MON2: variants seen among roughly 807,000 people sequenced by gnomAD.
MON2 encodes the protein MON2 regulator of endosome-to-Golgi trafficking.
MON2 carries 84 observed loss-of-function variants against 208.6 expected under a neutral mutation model. The ratio of observed to expected loss-of-function variants is 0.40; its 90% confidence interval spans 0.34 to 0.48. The LOEUF is 0.48. Among genes scored for constraint, MON2 ranks in the 20% least tolerant of loss-of-function variants. The pLI, the probability that MON2 is intolerant of heterozygous loss-of-function variation, is 0.59. For missense variants in MON2, 1,611 were observed against 2,015.4 expected, an observed-to-expected ratio of 0.80 and a Z score of 3.84; for synonymous variants, 660 against 694.0, an observed-to-expected ratio of 0.95 and a Z score of 0.77.
intron 27 of MON2, among the ~76,000 whole-genome samples, chr12:62,565,651 G>A (rs1032284444): frequency 1.3e-5 from 2 of 152,028 alleles, no homozygotes; most frequent in Non-Finnish European, 2.9e-5. Flanking sequence ...CATCTTTCTT[G>A]AAAAATATAA....
chr12:62,470,025 C>T (rs527910578), intron 1 of MON2, among the ~76,000 whole-genome samples: 9 of 151,912 alleles, frequency 5.9e-5, no homozygotes, highest in South Asian at 4.2e-4. Context: ...CCACCTCAAC[C>T]CCCTGAGTAG....
intron 2 of MON2, chr12:62,489,895 A>G: frequency 3.1e-6 from 1 of 321,054 alleles, no homozygotes; most frequent in Non-Finnish European, 5.4e-6. Context: ...GAGTATCAAA[A>G]TAATGTCTAA....
At chr12:62,576,043 T>G (rs2074765538) in intron 30 of MON2, among the ~76,000 whole-genome samples, 1 of 152,178 alleles carries the variant, frequency 6.6e-6, no homozygotes, top group South Asian at 2.1e-4. Context: ...TTGAATGTAA[T>G]ATATTCAATA....
chr12:62,534,959 G>T, intron 13 of MON2, 33 bp downstream of exon 13: 2 of 1,363,756 alleles, frequency 1.5e-6, no homozygotes, highest in Non-Finnish European at 9.8e-7. Flanking sequence ...ATATTGAACT[G>T]TGTCAGTTAA....
intron 30 of MON2, among the ~76,000 whole-genome samples, chr12:62,577,469 A>C (rs540213121): frequency 6.6e-6 from 1 of 152,270 alleles, no homozygotes; most frequent in Non-Finnish European, 1.5e-5. Flanking sequence ...TCCTATATAC[A>C]AAATTGTACA....
intron 21 of MON2, among the ~76,000 whole-genome samples, 178 bp downstream of exon 21, chr12:62,545,186 T>G (rs370849614): frequency 2.0e-5 from 3 of 152,252 alleles, no homozygotes; most frequent in East Asian, 3.9e-4. Context: ...AGGGCTGTTT[T>G]CATAAAAAAT....
intron 23 of MON2, among the ~76,000 whole-genome samples, chr12:62,551,227 A>C (rs1465809255): frequency 6.6e-6 from 1 of 152,072 alleles, no homozygotes; most frequent in African/African-American, 2.4e-5. Flanking sequence ...ACTAAGCTTA[A>C]TTATTTCTAG....
intron 8 of MON2, among the ~76,000 whole-genome samples, chr12:62,512,451 G>A (rs558033340): frequency 2.2e-4 from 34 of 152,148 alleles, no homozygotes; most frequent in Non-Finnish European, 2.2e-4. Context: ...TCAGCAGGGC[G>A]GTCAAATCTT....
intron 1 of MON2, among the ~76,000 whole-genome samples, chr12:62,474,185 C>T (rs1565950309): frequency 6.6e-6 from 1 of 150,456 alleles, no homozygotes; most frequent in Non-Finnish European, 1.5e-5. Flanking sequence ...ATGGTGCGAT[C>T]TCAGCTCACT....
chr12:62,532,447 G>A lies in MON2; in HGVS notation c.1410G>A (p.Met470Ile). ...QGSAKATYLE[M>I]LDKVEPPTIP... ...TTTTTCATAATTTCAGCTTAGAAAT[G>A]TTGGACAAAGTTGAGCCTCCAACTA... The change falls in exon 12 of 35, where the codon ATG becomes ATA. Residue 470 changes from methionine to isoleucine, a missense_variant. Coordinates refer to ENST00000393630, the MANE Select transcript of MON2 (RefSeq NM_015026.3). The A allele has an allele frequency of 2.5e-6, 4 of 1,612,744 alleles. No homozygotes were observed. Among genetic ancestry groups the A allele is most frequent in the South Asian group, 1.1e-5 (1 of 91,050 alleles).
chr12:62,504,488 C>A (rs2071006559), intron 7 of MON2, among the ~76,000 whole-genome samples: 1 of 152,054 alleles, frequency 6.6e-6, no homozygotes, highest in African/African-American at 2.4e-5. Flanking sequence ...ACCTCGTGAT[C>A]TGCCCACCTC....
At chr12:62,495,638 C>T (rs1331654831) in intron 4 of MON2, among the ~76,000 whole-genome samples, 2 of 143,826 alleles carry the variant, frequency 1.4e-5, no homozygotes, top group Non-Finnish European at 3.0e-5. Flanking sequence ...TGCAGTGAGC[C>T]GAGATCGTAT....
intron 30 of MON2, 72 bp downstream of exon 30, chr12:62,571,654 G>GTCTT: frequency 1.6e-6 from 2 of 1,241,194 alleles, no homozygotes; most frequent in Non-Finnish European, 2.2e-6. Context: ...AAAAACAGTT[G>GTCTT]TCTTTATTCA....
chr12:62,542,149 C>T (rs1422148931), intron 19 of MON2, among the ~76,000 whole-genome samples: 1 of 152,134 alleles, frequency 6.6e-6, no homozygotes. Flanking sequence ...TTTTAGGGTG[C>T]TTTCCACATT....
At chr12:62,592,046 T>C (rs1431650733) in intron 34 of MON2, among the ~76,000 whole-genome samples, 1 of 152,162 alleles carries the variant, frequency 6.6e-6, no homozygotes, top group Non-Finnish European at 1.5e-5. Context: ...TCCTCCCCAC[T>C]CAAGTCTACA....
At chr12:62,576,090 C>CA (rs2074768344) in intron 30 of MON2, among the ~76,000 whole-genome samples, 1 of 151,944 alleles carries the variant, frequency 6.6e-6, no homozygotes, top group Non-Finnish European at 1.5e-5. Context: ...GCAAAAAAGA[C>CA]AAATTGAATG....
rs1433040737 is a variant in MON2, at chr12:62,553,013, C to G, written c.3049C>G (p.Pro1017Ala). 6.2e-7 allele frequency: 1 copy of G among 1,614,040 alleles called. No individual in the cohort carries two copies. Among genetic ancestry groups the G allele is most frequent in the East Asian group, 2.2e-5 (1 of 44,892 alleles). Reference protein sequence around the residue: ...VLNRPFHPAPPFDCLWLCLYA... With the variant: ...VLNRPFHPAPAFDCLWLCLYA... Reference sequence around the variant, plus strand: ...AAATCGGCCATTCCACCCTGCACCGCCATTTGATTGCTTGTGGTTATGTCT... The same window carrying G: ...AAATCGGCCATTCCACCCTGCACCGGCATTTGATTGCTTGTGGTTATGTCT... The change falls in exon 24 of 35, where the codon CCA becomes GCA. Residue 1017 changes from proline to alanine, a missense_variant. Pro to Ala is a conservative substitution (Grantham distance 27). Coordinates refer to ENST00000393630, the MANE Select transcript of MON2 (RefSeq NM_015026.3).
At chr12:62,490,947 C>G (rs1418330888) in intron 2 of MON2, among the ~76,000 whole-genome samples, 2 of 152,034 alleles carry the variant, frequency 1.3e-5, no homozygotes, top group Non-Finnish European at 2.9e-5. Context: ...TTAATATGCA[C>G]AGTTTTTTCA....
intron 5 of MON2, among the ~76,000 whole-genome samples, chr12:62,500,268 A>G (rs1196905251): frequency 1.3e-5 from 2 of 152,130 alleles, no homozygotes; most frequent in Non-Finnish European, 2.9e-5. Flanking sequence ...AGAGAATGAT[A>G]TTTTTTACTA....
Sources: allele counts gnomAD v4.1 joint callset (sites outside exome capture counted in the v4.1 genomes callset), GRCh38; gene constraint gnomAD v4.1.1; transcripts MANE v1.5; gene names NCBI Gene and HGNC (gene_info 2026-07-23, HGNC 2026-07-21).